Variants in ROR1 observed in about 807,000 individuals in gnomAD.
ROR1 encodes the protein inactive tyrosine-protein kinase transmembrane receptor ROR1.
In ROR1, 19 loss-of-function variants were observed where a neutral mutation model predicts 78.8. That is an observed-to-expected ratio of 0.24 (90% CI 0.17 to 0.35). The LOEUF is 0.35. Among genes scored for constraint, ROR1 ranks in the 10% least tolerant of loss-of-function variants. The pLI, the probability that ROR1 is intolerant of heterozygous loss-of-function variation, is 1.00. For synonymous variants in ROR1, 386 were observed against 433.6 expected (o/e 0.89, Z 1.36); for missense variants, 917 against 1,177.8 (o/e 0.78, Z 3.24).
chr1:63,862,718 C>T (rs1421085944), intron 1 of ROR1, among the ~76,000 whole-genome samples: 1 of 152,064 alleles, frequency 6.6e-6, no homozygotes, highest in Admixed American at 6.6e-5. Flanking sequence ...AATTCTGCCT[C>T]TCAGTATAGG....
intron 1 of ROR1, among the ~76,000 whole-genome samples, chr1:63,910,676 C>T (rs1010021513): frequency 6.6e-6 from 1 of 152,166 alleles, no homozygotes; most frequent in African/African-American, 2.4e-5. Context: ...CATTTGTGTT[C>T]TTCCTGATAC....
intron 1 of ROR1, among the ~76,000 whole-genome samples, chr1:63,841,742 A>G (rs1050006231): frequency 6.6e-6 from 1 of 152,242 alleles, no homozygotes; most frequent in Non-Finnish European, 1.5e-5. Flanking sequence ...TATTGAGCAT[A>G]TACATTGTGC....
At position 63,815,897 on chromosome 1, in the gene ROR1, C is replaced by T. The variant is rs7547460; in HGVS notation, c.91+41389C>T. On this transcript the variant is annotated intron_variant, in intron 1 of 8. Coordinates refer to ENST00000371079, the MANE Select transcript of ROR1 (RefSeq NM_005012.4). ...ACTTCCTGGGACTTCCTCAGCTGGA[C>T]CCTCTGGGGATTGGGGAAATGCATT... Among the ~76,000 whole-genome samples, 504 of 152,198 alleles carry T rather than the reference C, an allele frequency of 3.3e-3. 1 individual carries two copies. The highest frequency in any genetic ancestry group is 0.012 in the African/African-American group (480 of 41,512).
At chr1:64,126,646 T>C (rs1648723346) in intron 4 of ROR1, among the ~76,000 whole-genome samples, 1 of 152,222 alleles carries the variant, frequency 6.6e-6, no homozygotes, top group South Asian at 2.1e-4. Flanking sequence ...GGAAATAACC[T>C]TGTTGGCAGC....
At chr1:64,014,739 A>AATATATATATATATATATATATAT (rs1557609592) in intron 2 of ROR1, among the ~76,000 whole-genome samples, 1 of 10,418 alleles carries the variant, frequency 9.6e-5, no homozygotes, top group African/African-American at 2.8e-4. Context: ...ACATACGCAC[A>AATATATATATATATATATATATAT]CTATATATAT....
At chr1:63,989,656 T>G (rs1312335734) in intron 1 of ROR1, among the ~76,000 whole-genome samples, 4 of 152,210 alleles carry the variant, frequency 2.6e-5, no homozygotes, top group African/African-American at 9.7e-5. Flanking sequence ...TATTCACTAG[T>G]CTTCTCTTGC....
chr1:64,025,639 A>T (rs74836732), intron 2 of ROR1, among the ~76,000 whole-genome samples: 1 of 152,170 alleles, frequency 6.6e-6, no homozygotes, highest in African/African-American at 2.4e-5. Flanking sequence ...ACATATATAT[A>T]TACACACATA....
chr1:63,955,735 G>A (rs1319442178), intron 1 of ROR1, among the ~76,000 whole-genome samples: 2 of 152,156 alleles, frequency 1.3e-5, no homozygotes, highest in East Asian at 1.9e-4. Context: ...AACTGGGAAT[G>A]GCATGGCCTT....
At chr1:64,100,545 T>C (rs1411199252) in intron 4 of ROR1, among the ~76,000 whole-genome samples, 1 of 152,170 alleles carries the variant, frequency 6.6e-6, no homozygotes, top group Non-Finnish European at 1.5e-5. Flanking sequence ...TAATAATTGA[T>C]ACCTTGATTT....
rs1173792646 is a variant in ROR1, at chr1:64,177,961, T to G, written c.1920T>G (p.Ile640Met). ...KISDLGLSRE[I>M]YSADYYRVQS... The stretch of plus-strand genomic sequence containing the variant: ...CAGACTTGGGGCTTTCCAGAGAAAT[T>G]TACTCCGCTGATTACTACAGGGTCC... The change falls in exon 9 of 9, where the codon ATT (isoleucine) becomes ATG (methionine). Residue 640 changes from isoleucine to methionine, a missense_variant. Physicochemically the swap from Ile to Met is conservative, Grantham distance 10 (BLOSUM62 1). Coordinates refer to ENST00000371079, the MANE Select transcript of ROR1 (RefSeq NM_005012.4). 1 of 1,614,166 alleles carries G rather than the reference T, an allele frequency of 6.2e-7. No homozygotes were observed. The highest frequency in any genetic ancestry group is 2.2e-5 in the East Asian group (1 of 44,876).
At chr1:64,115,567 C>T (rs1648287393) in intron 4 of ROR1, among the ~76,000 whole-genome samples, 1 of 151,532 alleles carries the variant, frequency 6.6e-6, no homozygotes, top group Non-Finnish European at 1.5e-5. Flanking sequence ...GAACTTACCT[C>T]TTATGGTTGT....
At chr1:64,108,824 T>C (rs1392066484) in intron 4 of ROR1, among the ~76,000 whole-genome samples, 1 of 152,218 alleles carries the variant, frequency 6.6e-6, no homozygotes, top group Non-Finnish European at 1.5e-5. Context: ...GCAACAAGTT[T>C]CAACAAGCTT....
chr1:63,787,438 T>TTTCCTTCCTTCCTTCCTTCC (rs72297365), intron 1 of ROR1, among the ~76,000 whole-genome samples: 88 of 127,800 alleles, frequency 6.9e-4, no homozygotes, highest in African/African-American at 1.3e-3. Flanking sequence ...ATTGCCTTTC[T>TTTCCTTCCTTCCTTCCTTCC]TTCCTTCCTT....
intron 1 of ROR1, among the ~76,000 whole-genome samples, chr1:63,799,979 TC>T (rs886269727): frequency 6.6e-6 from 1 of 152,120 alleles, no homozygotes; most frequent in African/African-American, 2.4e-5. Context: ...AAGAAGAAAA[TC>T]AGTATAAAAT....
intron 1 of ROR1, among the ~76,000 whole-genome samples, chr1:63,951,721 C>T (rs1645938790): frequency 6.6e-6 from 1 of 152,152 alleles, no homozygotes; most frequent in South Asian, 2.1e-4. Flanking sequence ...CCCCCCTCAC[C>T]ACCAGCCCAC....
At chr1:63,877,342 G>A (rs1424750029) in intron 1 of ROR1, among the ~76,000 whole-genome samples, 1 of 152,106 alleles carries the variant, frequency 6.6e-6, no homozygotes, top group African/African-American at 2.4e-5. Flanking sequence ...TGTGTGATGA[G>A]GGCAAATTGC....
chr1:64,069,215 G>C (rs191619106), intron 4 of ROR1, among the ~76,000 whole-genome samples: 1 of 151,906 alleles, frequency 6.6e-6, no homozygotes. Flanking sequence ...GCTGAAAAGG[G>C]TCTCTTTATT....
intron 1 of ROR1, among the ~76,000 whole-genome samples, chr1:63,966,649 A>G (rs1163536745): frequency 6.6e-6 from 1 of 152,204 alleles, no homozygotes; most frequent in African/African-American, 2.4e-5. Context: ...CATCTCAACT[A>G]AGCAGTCTTA....
chr1:64,007,286 A>G (rs1473711849), intron 1 of ROR1, among the ~76,000 whole-genome samples: 1 of 152,086 alleles, frequency 6.6e-6, no homozygotes, highest in Admixed American at 6.5e-5. Context: ...GGATTGAAGT[A>G]GGAGGGATTG....
Sources: gnomAD v4.1 joint callset for allele counts (sites outside exome capture counted in the v4.1 genomes callset) on GRCh38, gnomAD v4.1.1 for gene constraint, MANE v1.5 for transcripts, NCBI Gene and HGNC (gene_info 2026-07-23, HGNC 2026-07-21) for gene names.